Variants in CUBN observed in about 807,000 individuals in gnomAD.
The protein encoded by CUBN is cubilin.
A neutral mutation model predicts 405.3 loss-of-function variants in CUBN; 282 were observed. The ratio of observed to expected loss-of-function variants is 0.70; its 90% CI spans 0.63 to 0.77. The LOEUF (loss-of-function observed/expected upper bound fraction) is 0.77. Among genes scored for constraint, CUBN ranks in the 30% least tolerant of loss-of-function variants. The probability of loss-of-function intolerance (pLI) is 0.00; values close to 1 mark genes in which losing one functional copy is unlikely to be tolerated. For missense variants in CUBN, 4,514 were observed against 4,475.2 expected, an observed-to-expected ratio of 1.01 and a Z score of -0.25; for synonymous variants, 1,684 against 1,617.0, an observed-to-expected ratio of 1.04 and a Z score of -0.99.
chr10:16,967,313 C>T (rs558212729), intron 31 of CUBN, among the ~76,000 whole-genome samples: 2 of 152,278 alleles, frequency 1.3e-5, no homozygotes, highest in African/African-American at 2.4e-5. Context: ...GCAGTTGTTG[C>T]GAGCACTGAC....
chr10:16,950,357 C>T (rs540646821), intron 33 of CUBN, among the ~76,000 whole-genome samples: 1 of 152,220 alleles, frequency 6.6e-6, no homozygotes, highest in Admixed American at 6.5e-5. Context: ...GGGATGGATA[C>T]CCCATTTCCA....
intron 6 of CUBN, chr10:17,121,809 G>T (rs1215114764): frequency 6.6e-6 from 1 of 152,188 alleles, no homozygotes; most frequent in African/African-American, 2.4e-5. Flanking sequence ...GAACAAGATA[G>T]CAGAGACACC....
intron 52 of CUBN, 119 bp downstream of exon 52, chr10:16,901,219 A>G (rs569323983): frequency 1.5e-6 from 2 of 1,369,354 alleles, no homozygotes; most frequent in Admixed American, 1.7e-5. Flanking sequence ...CAGTGATCTC[A>G]TTGTAGAATC....
In CUBN at chr10:16,904,048, TA is replaced by T; in HGVS notation, c.7979del (p.Ile2660AsnfsTer16). On this transcript the variant is annotated frameshift_variant, in exon 51 of 67. Coordinates refer to ENST00000377833, the MANE Select transcript of CUBN (RefSeq NM_001081.4). LOFTEE classifies it high-confidence loss of function. ...GPSKPTLPLVIPYSQVWIHFV... is the reference protein window; with the variant it reads ...GPSKPTLPLVXPYSQVWIHFV... ...AGTGAATCCATACCTGAGAATAAGG[TA>T]TAACCAATGGCAATGTAGGCTTTGA... is the stretch of plus-strand genomic sequence containing the variant. 1 of 1,613,410 alleles carries T rather than the reference TA, an allele frequency of 6.2e-7. No homozygotes were observed. The highest frequency in any genetic ancestry group is 8.5e-7 in the Non-Finnish European group (1 of 1,179,378).
chr10:17,050,211 C>T (rs1391146859), intron 22 of CUBN, among the ~76,000 whole-genome samples: 1 of 152,014 alleles, frequency 6.6e-6, no homozygotes, highest in South Asian at 2.1e-4. Context: ...TTTTTTAATT[C>T]CAGCTATGAC....
intron 60 of CUBN, among the ~76,000 whole-genome samples, chr10:16,849,680 G>A (rs2131335103): frequency 6.6e-6 from 1 of 152,184 alleles, no homozygotes; most frequent in East Asian, 1.9e-4. Context: ...TAGAACTTAA[G>A]TTTCTCTTGC....
chr10:16,979,265 G>A (rs1037411901), intron 31 of CUBN, among the ~76,000 whole-genome samples: 1 of 152,094 alleles, frequency 6.6e-6, no homozygotes, highest in East Asian at 1.9e-4. Flanking sequence ...TGGCCATAAT[G>A]TCCAAAGTAA....
intron 53 of CUBN, 45 bp downstream of exon 53, chr10:16,900,580 T>A (rs1434472848): frequency 7.1e-7 from 1 of 1,401,384 alleles, no homozygotes; most frequent in African/African-American, 1.4e-5. Context: ...GTTCATACTA[T>A]ACATCACTAA....
intron 57 of CUBN, among the ~76,000 whole-genome samples, chr10:16,874,848 T>A (rs1840454648): frequency 6.6e-6 from 1 of 152,088 alleles, no homozygotes; most frequent in Non-Finnish European, 1.5e-5. Context: ...GAGAGAGGGA[T>A]GACAACAGTA....
chr10:16,949,333 C>A (rs1282644108), intron 34 of CUBN, among the ~76,000 whole-genome samples: 1 of 152,090 alleles, frequency 6.6e-6, no homozygotes, highest in Non-Finnish European at 1.5e-5. Flanking sequence ...ACAGGCCAAA[C>A]AGTCTCCTCT....
chr10:17,000,208 T>G (rs1239137157), intron 28 of CUBN, among the ~76,000 whole-genome samples: 6 of 152,218 alleles, frequency 3.9e-5, no homozygotes, highest in Non-Finnish European at 8.8e-5. Context: ...CTCTTCACTT[T>G]AATATAACTT....
chr10:16,925,612 G>A lies in CUBN; in HGVS notation c.6434C>T (p.Ser2145Phe). 1 of 1,614,020 alleles carries A rather than the reference G, an allele frequency of 6.2e-7. No homozygotes were observed. The highest frequency in any genetic ancestry group is 1.3e-5 in the African/African-American group (1 of 75,018). Reference sequence around the variant, plus strand: ...CAAGTAATCCCCCTGGTTGCAAGAAGAATCTCCATTTGGAATCTGGAAAGG... The same window carrying A: ...CAAGTAATCCCCCTGGTTGCAAGAAAAATCTCCATTTGGAATCTGGAAAGG... ...EQPFQIPNGD[S>F]SCNQGDYLVL... Residue 2145 changes from serine to phenylalanine, a missense_variant, in exon 42 of 67, where the codon TCT becomes TTT. This residue lies in a region of CUBN where 1,613 missense variants were observed against 1,542.8 expected (regional missense o/e 1.05). Coordinates refer to ENST00000377833, the MANE Select transcript of CUBN (RefSeq NM_001081.4).
intron 60 of CUBN, among the ~76,000 whole-genome samples, chr10:16,849,527 C>A (rs987453783): frequency 6.6e-6 from 1 of 152,230 alleles, no homozygotes; most frequent in Non-Finnish European, 1.5e-5. Context: ...CCAAACCACA[C>A]TGTTATTTTT....
chr10:16,834,315 C>G (rs1009502337), intron 64 of CUBN, among the ~76,000 whole-genome samples: 3 of 152,092 alleles, frequency 2.0e-5, no homozygotes, highest in Non-Finnish European at 4.4e-5. Context: ...CTGGAGGACC[C>G]CAAAGTTTCA....
intron 48 of CUBN, among the ~76,000 whole-genome samples, chr10:16,909,742 C>T (rs955701150): frequency 3.9e-5 from 6 of 152,210 alleles, no homozygotes; most frequent in African/African-American, 1.2e-4. Context: ...CCATCATTGT[C>T]CTCTAATCCC....
intron 43 of CUBN, among the ~76,000 whole-genome samples, chr10:16,923,128 G>A (rs1042503922): frequency 5.3e-5 from 8 of 151,890 alleles, no homozygotes; most frequent in Non-Finnish European, 8.8e-5. Flanking sequence ...GTGAACCACC[G>A]TGCCCAGCCT....
At chr10:17,112,845 AC>A (rs1458811183) in intron 8 of CUBN, among the ~76,000 whole-genome samples, 1 of 152,008 alleles carries the variant, frequency 6.6e-6, no homozygotes, top group African/African-American at 2.4e-5. Context: ...AAGTTATTCA[AC>A]CTCTTTAAGC....
rs1340336103 is a variant in CUBN, at chr10:17,100,001, A to G, written c.1765+4T>C. On this transcript the variant is annotated splice_donor_region_variant and intron_variant, in intron 14 of 66. Transcript: ENST00000377833. ...CTTGCTTTTTTCTCCAGGTTCACAC[A>G]TACCTGGTTGCTGTGTTTCCCATCT... 3 of 1,603,732 alleles carry G rather than the reference A, an allele frequency of 1.9e-6. No individual in the cohort carries two copies. The highest frequency in any genetic ancestry group is 1.1e-5 in the South Asian group (1 of 90,812).
rs1370960759 is a variant in CUBN at position 17,079,121 on chromosome 10, G to A, written c.2301+5150C>T. ...TTCTTCCTTCACTAAAAAGCATCAC[G>A]ATGGTCCAGCAGTTGTGGAAAAACT... On this transcript the variant is annotated intron_variant, in intron 17 of 66. Coordinates refer to ENST00000377833, the MANE Select transcript of CUBN (RefSeq NM_001081.4). Among the ~76,000 whole-genome samples, 9 of 152,000 alleles carry A rather than the reference G, an allele frequency of 5.9e-5. No individual in the cohort carries two copies. The East Asian group carries it at 1.5e-3, about 26-fold the overall frequency.
Sources: allele counts gnomAD v4.1 joint callset (sites outside exome capture counted in the v4.1 genomes callset), GRCh38; gene constraint gnomAD v4.1.1; regional missense constraint gnomAD v4.1.1; transcripts MANE v1.5; gene names NCBI Gene and HGNC (gene_info 2026-07-23, HGNC 2026-07-21).